Variants in USP4 observed in about 807,000 individuals in gnomAD.
The protein encoded by USP4 is ubiquitin specific peptidase 4, also known as ubiquitin carboxyl-terminal hydrolase 4.
In USP4, 72 loss-of-function variants were observed where a neutral mutation model predicts 118.2. The observed-to-expected ratio is 0.61, with a 90% CI of 0.50 to 0.74. USP4 has a LOEUF of 0.74. USP4 is among the 30% of genes least tolerant of loss of function. The pLI is 0.00. For missense variants in USP4, 1,037 were observed against 1,185.7 expected (o/e 0.87, Z 1.84); for synonymous variants, 415 against 440.4 (o/e 0.94, Z 0.72).
rs762919839 is a variant in USP4 at position 49,294,566 on chromosome 3, G to A, written c.1724C>T (p.Ser575Leu). The change falls in exon 14 of 22, where the codon TCG (serine) becomes TTG (leucine). Residue 575 changes from serine to leucine, a missense_variant. Coordinates refer to ENST00000265560, the MANE Select transcript of USP4 (RefSeq NM_003363.4). ...YEVCSTSVDG[S>L]ECVTLPVYFR... ...GTAGACTGGAAGCGTGACACATTCCGAGCCATCCACGGAAGTGCTGCAGAC... is the reference window on the plus strand; with the variant it reads ...GTAGACTGGAAGCGTGACACATTCCAAGCCATCCACGGAAGTGCTGCAGAC... 1.2e-5 allele frequency: 19 copies of A among 1,614,070 alleles called. No individual in the cohort carries two copies. The highest frequency in any genetic ancestry group is 1.5e-5 in the Non-Finnish European group (18 of 1,180,004).
chr3:49,325,571 C>G, intron 4 of USP4, 148 bp downstream of exon 4: 2 of 1,143,464 alleles, frequency 1.7e-6, no homozygotes, highest in Non-Finnish European at 2.5e-6. Context: ...GGAATAGGCC[C>G]CCAGGTCAGG....
At chr3:49,291,559 G>A (rs1288966286) in intron 15 of USP4, among the ~76,000 whole-genome samples, 1 of 137,516 alleles carries the variant, frequency 7.3e-6, no homozygotes, top group Non-Finnish European at 1.5e-5. Context: ...GGGCGACAGA[G>A]CAAGATTCCG....
At chr3:49,312,495 G>A (rs756277762) in intron 6 of USP4, 4 of 451,994 alleles carry the variant, frequency 8.8e-6, no homozygotes, top group South Asian at 6.2e-5. Flanking sequence ...AAATTAGCCA[G>A]ATGTGATGGC....
chr3:49,305,133 C>T (rs1471621751), intron 9 of USP4, among the ~76,000 whole-genome samples: 1 of 150,480 alleles, frequency 6.6e-6, no homozygotes, highest in East Asian at 2.0e-4. Flanking sequence ...AGTGCAGAGG[C>T]GCAATCTCGG....
chr3:49,306,493 G>T (rs560211580), intron 8 of USP4, among the ~76,000 whole-genome samples: 1 of 151,802 alleles, frequency 6.6e-6, no homozygotes, highest in African/African-American at 2.4e-5. Flanking sequence ...GTGAGCCACC[G>T]CGCCCAGCCT....
rs752808480 is a variant in USP4, at chr3:49,298,543, C to G, written c.1596+9G>C. 6.2e-7 allele frequency: 1 copy of G among 1,613,990 alleles called. No homozygotes were observed. Among genetic ancestry groups the G allele is most frequent in the Non-Finnish European group, 8.5e-7 (1 of 1,179,870 alleles). On this transcript the variant is annotated intron_variant, in intron 12 of 21. Transcript: ENST00000265560. ...AATAGACCGAGTGCCACTGATCACC[C>G]CGCCTTACATTTTCTGCAGCAATGC...
chr3:49,282,328 G>A (rs2107764177), intron 19 of USP4, among the ~76,000 whole-genome samples: 1 of 151,966 alleles, frequency 6.6e-6, no homozygotes, highest in Non-Finnish European at 1.5e-5. Context: ...GGGCTGGAGT[G>A]CAGTGGCGCG....
chr3:49,286,816 C>CTA (rs2047094977), intron 15 of USP4, among the ~76,000 whole-genome samples: 2 of 141,344 alleles, frequency 1.4e-5, no homozygotes, highest in Non-Finnish European at 3.1e-5. Context: ...ACTCTAGCCA[C>CTA]TCTATCTATC....
chr3:49,305,436 C>T (rs2047304878), intron 9 of USP4, among the ~76,000 whole-genome samples: 2 of 150,174 alleles, frequency 1.3e-5, no homozygotes, highest in Middle Eastern at 3.4e-3. Flanking sequence ...AACACTAAAC[C>T]ACTCTCCCCA....
intron 13 of USP4, among the ~76,000 whole-genome samples, chr3:49,295,736 C>CACACACACACACACACACACA (rs1336643836): frequency 4.9e-5 from 7 of 142,966 alleles, no homozygotes; most frequent in African/African-American, 1.9e-4. Flanking sequence ...ACACACACAC[C>CACACACACACACACACACACA]CCCCCCTCCC....
intron 6 of USP4, among the ~76,000 whole-genome samples, chr3:49,319,849 C>T (rs1276626268): frequency 6.6e-6 from 1 of 152,044 alleles, no homozygotes; most frequent in Non-Finnish European, 1.5e-5. Flanking sequence ...CTCCTGACCT[C>T]AAGTGATCCA....
chr3:49,302,296 C>A, intron 10 of USP4, 88 bp downstream of exon 10: 1 of 1,461,264 alleles, frequency 6.8e-7, no homozygotes, highest in South Asian at 1.4e-5. Context: ...CTGGCAACAA[C>A]ACTCAAAGAC....
At chr3:49,336,599 TC>T (rs2047671363) in intron 1 of USP4, among the ~76,000 whole-genome samples, 1 of 150,512 alleles carries the variant, frequency 6.6e-6, no homozygotes, top group Non-Finnish European at 1.5e-5. Flanking sequence ...ATCTCGGCTC[TC>T]CGCAACCTCC....
rs1465156797 is a variant in USP4 at position 49,294,480 on chromosome 3, G to T, written c.1810C>A (p.Pro604Thr). Residue 604 changes from proline to threonine, a missense_variant, in exon 14 of 22, where the codon CCA (proline) becomes ACA (threonine). Transcript: ENST00000265560. ...TSSASALYGQ[P>T]LLLSVPKHKL... ...TGCTTGGGGACAGAAAGCAATAGTGGCTGCCCATATAGCGCTGATGCGGAG... is the reference window on the plus strand; with the variant it reads ...TGCTTGGGGACAGAAAGCAATAGTGTCTGCCCATATAGCGCTGATGCGGAG... 1.2e-6 allele frequency: 2 copies of T among 1,614,218 alleles called. No individual in the cohort carries two copies. Among genetic ancestry groups the T allele is most frequent in the South Asian group, 1.1e-5 (1 of 91,088 alleles).
chr3:49,316,547 G>T (rs1313394253), intron 6 of USP4, among the ~76,000 whole-genome samples: 1 of 151,988 alleles, frequency 6.6e-6, no homozygotes, highest in African/African-American at 2.4e-5. Context: ...TCGAACTCCT[G>T]GCCTCAAGTG....
intron 9 of USP4, among the ~76,000 whole-genome samples, chr3:49,305,066 T>C (rs1242457233): frequency 7.0e-6 from 1 of 143,410 alleles, no homozygotes; most frequent in Non-Finnish European, 1.5e-5. Context: ...CTGGACTTTT[T>C]TGTTGTTGTT....
chr3:49,312,175 T>C (rs1202078535), intron 6 of USP4: 3 of 216,610 alleles, frequency 1.4e-5, no homozygotes, highest in Non-Finnish European at 1.9e-5. Flanking sequence ...AATACAAAAT[T>C]AGGCTGGGTG....
In USP4 at chr3:49,340,045, A is replaced by C; in HGVS notation, c.-21T>G. On this transcript the variant is annotated 5_prime_UTR_variant, in exon 1 of 22. Coordinates refer to ENST00000265560, the MANE Select transcript of USP4 (RefSeq NM_003363.4). ...GCCATCTCCTCCGCGGCCCCGGCCC[A>C]GCCGGCCCGGACATCCGCCCCGCGC... 6.3e-7 allele frequency: 1 copy of C among 1,599,408 alleles called. No homozygotes were observed. The highest frequency in any genetic ancestry group is 2.2e-5 in the East Asian group (1 of 44,776).
intron 13 of USP4, 94 bp from the exon 14 acceptor site, chr3:49,294,692 T>A: frequency 8.2e-7 from 1 of 1,225,244 alleles, no homozygotes; most frequent in Non-Finnish European, 1.2e-6. Flanking sequence ...GGGCTATGAT[T>A]ACTGGGACAG....
Sources: gnomAD v4.1 joint callset for allele counts (sites outside exome capture counted in the v4.1 genomes callset) on GRCh38, gnomAD v4.1.1 for gene constraint, MANE v1.5 for transcripts, NCBI Gene and HGNC (gene_info 2026-07-23, HGNC 2026-07-21) for gene names.